The following LARGE2 variants were observed in gnomAD, a reference collection of about 807,000 sequenced individuals.
LARGE2 encodes LARGE xylosyl- and glucuronyltransferase 2.
A neutral mutation model predicts 75.3 loss-of-function variants in LARGE2; 63 were observed. The observed-to-expected ratio is 0.84, with a 90% CI of 0.68 to 1.03. The LOEUF (loss-of-function observed/expected upper bound fraction) is 1.03, where lower values mean the gene tolerates loss of function less well. Ranked by LOEUF, LARGE2 falls within the 50% of genes least tolerant of loss-of-function variation. The pLI, the probability that LARGE2 is intolerant of heterozygous loss-of-function variation, is 0.00. For synonymous variants in LARGE2, 428 were observed against 420.1 expected (o/e 1.02, Z -0.23); for missense variants, 925 against 980.6 (o/e 0.94, Z 0.76).
rs770293806 is a variant in LARGE2, at chr11:45,927,327, G to C, written c.1338G>C (p.Leu446Phe). The C allele has an allele frequency of 2.5e-6, 4 of 1,613,190 alleles. No homozygotes were observed. The highest frequency in any genetic ancestry group is 1.1e-5 in the South Asian group (1 of 91,074). ...AQLSMDRLQM[L>F]EALCRHWPGP... ...CCTCTCCCCATAGGCTGCAGATGTT[G>C]GAAGCCCTGTGCAGGCACTGGCCTG... Residue 446 changes from leucine (L) to phenylalanine (F), a missense_variant, in exon 11 of 14, where the codon TTG (leucine) becomes TTC (phenylalanine). This residue lies in a region of LARGE2 where 469 missense variants were observed against 503.8 expected (regional missense o/e 0.93). Transcript: ENST00000401752.
intron 3 of LARGE2, among the ~76,000 whole-genome samples, chr11:45,923,901 G>A (rs1295094257): frequency 6.7e-6 from 1 of 148,846 alleles, no homozygotes; most frequent in African/African-American, 2.5e-5. Context: ...CAGGAGAATG[G>A]CGTGAACCCG....
In LARGE2 at chr11:45,924,286, C is replaced by T. The variant is rs10838531; in HGVS notation, c.492+9C>T. On this transcript the variant is annotated intron_variant, in intron 4 of 13. Coordinates refer to ENST00000401752, the MANE Select transcript of LARGE2 (RefSeq NM_001300721.2). ...ATGCCGACCAGCTCAAGGCAGGGGC[C>T]CAGCCCTTCCCCCCTCCCCTCAGCT... The T allele has an allele frequency of 0.049, 79,558 of 1,612,162 alleles. 13,760 individuals carry two copies. The East Asian group carries it at 0.61, about 12-fold the overall frequency.
chr11:45,928,086 C>T lies in LARGE2; in HGVS notation c.1754+17C>T, dbSNP rs1405094772. 1 of 1,613,268 alleles carries T rather than the reference C, an allele frequency of 6.2e-7. No individual in the cohort carries two copies. The highest frequency in any genetic ancestry group is 1.1e-5 in the South Asian group (1 of 91,050). ...CACCTTCAGGTAGGAGAGGCTACTTCTCTGCCCACTCCACTCACTTGCCCA... is the reference window on the plus strand; with the variant it reads ...CACCTTCAGGTAGGAGAGGCTACTTTTCTGCCCACTCCACTCACTTGCCCA... On this transcript the variant is annotated intron_variant, in intron 12 of 13. Coordinates refer to ENST00000401752, the MANE Select transcript of LARGE2 (RefSeq NM_001300721.2).
In LARGE2 at chr11:45,927,372, G is replaced by A. The variant is rs967810620; in HGVS notation, c.1383G>A (p.Leu461=). 1.9e-6 allele frequency: 3 copies of A among 1,613,890 alleles called. No individual in the cohort carries two copies. Among genetic ancestry groups the A allele is most frequent in the African/African-American group, 2.7e-5 (2 of 74,946 alleles). ...GGCCTGGCCCCATGAGCCTGGCCTT[G>A]TACCTGACAGACGCAGAAGCTCAGC... ...RHWPGPMSLA[L]YLTDAEAQQF... is the part of the protein sequence containing the mutation. Residue 461 remains leucine (L), a synonymous_variant, in exon 11 of 14, where the codon TTG becomes TTA. Coordinates refer to ENST00000401752, the MANE Select transcript of LARGE2 (RefSeq NM_001300721.2).
Position 45,928,759 on chromosome 11 carries a change from CACCAGG to C in LARGE2, c.2083_2088del (p.Gln695_Asp696del), listed in dbSNP as rs1428839171. On this transcript the variant is annotated inframe_deletion, in exon 14 of 14. Coordinates refer to ENST00000401752, the MANE Select transcript of LARGE2 (RefSeq NM_001300721.2). ...CCTCCAGGCCCTCAAGGACGAATTC[CACCAGG>C]ACTTGTCCCGCCACCATGGGGCTGC... is the stretch of plus-strand genomic sequence containing the variant. 10 of 1,614,096 alleles carry C rather than the reference CACCAGG, an allele frequency of 6.2e-6. No individual in the cohort carries two copies. The highest frequency in any genetic ancestry group is 1.6e-4 in the Middle Eastern group (1 of 6,062).
intron 3 of LARGE2, 149 bp downstream of exon 3, chr11:45,923,704 C>T (rs1251915446): frequency 9.8e-6 from 7 of 715,504 alleles, no homozygotes; most frequent in Non-Finnish European, 1.6e-5. Context: ...TAAGAACATC[C>T]TGCCGGGCGC....
At chr11:45,922,180 G>A (rs1245826539), upstream of LARGE2, among the ~76,000 whole-genome samples, 1 of 152,110 alleles carries the variant, frequency 6.6e-6, no homozygotes, top group Admixed American at 6.5e-5. Flanking sequence ...GACTGAGAGT[G>A]GGGGAGTGAG....
Position 45,922,806 on chromosome 11 carries a change from C to T in LARGE2, c.-62-15C>T. The stretch of plus-strand genomic sequence containing the variant: ...GCCCAGGGCTGAGTCTCCCATCTCG[C>T]CCCTCGGTCCGCAGGGCCTGCGATG... On this transcript the variant is annotated splice_polypyrimidine_tract_variant and intron_variant, in intron 1 of 13. Transcript: ENST00000401752. The T allele has an allele frequency of 8.8e-7, 1 of 1,141,754 alleles. No individual in the cohort carries two copies. The highest frequency in any genetic ancestry group is 3.3e-5 in the East Asian group (1 of 30,494). 70.7% of individuals were successfully genotyped at this position (1,141,754 alleles called of 1,614,324 possible). A position where few individuals can be genotyped will look rare whatever the true frequency, so the allele number is the denominator to read the frequency against.
In LARGE2 at chr11:45,927,472, G is replaced by A. The variant is rs1357638032; in HGVS notation, c.1483G>A (p.Glu495Lys). The change falls in exon 11 of 14, where the codon GAG (glutamate) becomes AAG (lysine). Residue 495 changes from glutamate to lysine, a missense_variant. By Grantham distance (56) the Glu-to-Lys change is moderately conservative (BLOSUM62 1). This residue lies in a region of LARGE2 where 469 missense variants were observed against 503.8 expected (regional missense o/e 0.93). Transcript: ENST00000401752. ...QDVAYHVVYR[E>K]GPLYPVNQLR... The stretch of plus-strand genomic sequence containing the variant: ...CGTGGCCTACCATGTGGTGTACCGT[G>A]AGGGGCCCCTATACCCCGTCAACCA... 6.2e-7 allele frequency: 1 copy of A among 1,614,248 alleles called. No homozygotes were observed. The highest frequency in any genetic ancestry group is 1.7e-5 in the Admixed American group (1 of 60,034).
Position 45,924,271 on chromosome 11 carries a change from G to T in LARGE2, c.486G>T (p.Gln162His). The change falls in exon 4 of 14, where the codon CAG becomes CAT. Residue 162 changes from glutamine to histidine, a missense_variant. This residue lies in a region of LARGE2 where 453 missense variants were observed against 460.2 expected (regional missense o/e 0.98). Coordinates refer to ENST00000401752, the MANE Select transcript of LARGE2 (RefSeq NM_001300721.2). Reference protein sequence around the residue: ...AVRVSFYHADQLKPQVSWIPN... With the variant: ...AVRVSFYHADHLKPQVSWIPN... ...GTGTCAGCTTTTATCATGCCGACCA[G>T]CTCAAGGCAGGGGCCCAGCCCTTCC... is the stretch of plus-strand genomic sequence containing the variant. The T allele has an allele frequency of 6.2e-7, 1 of 1,613,048 alleles. No individual in the cohort carries two copies. Among genetic ancestry groups the T allele is most frequent in the Non-Finnish European group, 8.5e-7 (1 of 1,180,006 alleles).
intron 2 of LARGE2, 48 bp downstream of exon 2, chr11:45,923,215 C>G: frequency 7.6e-7 from 1 of 1,315,078 alleles, no homozygotes; most frequent in Non-Finnish European, 9.6e-7. Context: ...GCGCCGCCCC[C>G]GAGCCCGGCC....
chr11:45,924,299 C>A lies in LARGE2; in HGVS notation c.492+22C>A, dbSNP rs201765300. The A allele has an allele frequency of 3.0e-5, 48 of 1,611,418 alleles. No individual in the cohort carries two copies. In the Admixed American group the frequency reaches 3.0e-4, roughly 10 times the overall value. Reference sequence around the variant, plus strand: ...CAAGGCAGGGGCCCAGCCCTTCCCCCCTCCCCTCAGCTGTGTCCACCGCTC... The same window carrying A: ...CAAGGCAGGGGCCCAGCCCTTCCCCACTCCCCTCAGCTGTGTCCACCGCTC... On this transcript the variant is annotated intron_variant, in intron 4 of 13. Transcript: ENST00000401752.
In LARGE2 at chr11:45,924,261, A is replaced by G. The variant is rs372238008; in HGVS notation, c.476A>G (p.His159Arg). The change falls in exon 4 of 14, where the codon CAT becomes CGT. Residue 159 changes from histidine (H) to arginine (R), a missense_variant. Transcript: ENST00000401752. ...MVPAVRVSFY[H>R]ADQLKPQVSW... is the part of the protein sequence containing the mutation. ...CCTGCTGTCCGTGTCAGCTTTTATC[A>G]TGCCGACCAGCTCAAGGCAGGGGCC... is the stretch of plus-strand genomic sequence containing the variant. 102 of 1,613,358 alleles carry G rather than the reference A, an allele frequency of 6.3e-5. No individual in the cohort carries two copies. In the Middle Eastern group the frequency reaches 6.6e-4, roughly 10 times the overall value.
At position 45,923,526 on chromosome 11, in the gene LARGE2, C is replaced by T. The variant is rs1432158257; in HGVS notation, c.339C>T (p.Ile113=). ...GGCATAACTCCAGCCGAGACGTCAT[C>T]ACCCTGGTGAAGTCCATGCTCTTCT... ...CAGHNSSRDV[I]TLVKSMLFYR... Residue 113 remains isoleucine (I), a synonymous_variant, in exon 3 of 14, where the codon ATC becomes ATT. Coordinates refer to ENST00000401752, the MANE Select transcript of LARGE2 (RefSeq NM_001300721.2). 6.2e-7 allele frequency: 1 copy of T among 1,614,002 alleles called. No individual in the cohort carries two copies. The highest frequency in any genetic ancestry group is 8.5e-7 in the Non-Finnish European group (1 of 1,179,994).
Position 45,926,071 on chromosome 11 carries a change from C to G in LARGE2, c.802C>G (p.Gln268Glu). The G allele has an allele frequency of 6.4e-7, 1 of 1,559,460 alleles. No homozygotes were observed. Among genetic ancestry groups the G allele is most frequent in the Non-Finnish European group, 8.7e-7 (1 of 1,152,016 alleles). The change falls in exon 7 of 14, where the codon CAG (glutamine) becomes GAG (glutamate). Residue 268 changes from glutamine (Q) to glutamate (E), a missense_variant. Gln to Glu is a conservative substitution (Grantham distance 29, BLOSUM62 2). This residue lies in a region of LARGE2 where 453 missense variants were observed against 460.2 expected (regional missense o/e 0.98). Transcript: ENST00000401752. The stretch of plus-strand genomic sequence containing the variant: ...CCTGCTGCGGCTGGACCGGCTCCGG[C>G]AGGCTGGCTGGGAGCAGATGTGGAG... ...VILLRLDRLR[Q>E]AGWEQMWRLT...
intron 3 of LARGE2, among the ~76,000 whole-genome samples, 189 bp from the exon 4 acceptor site, chr11:45,923,965 G>A (rs1383334708): frequency 8.7e-6 from 1 of 115,160 alleles, no homozygotes; most frequent in Non-Finnish European, 1.6e-5. Flanking sequence ...CAGCCTGGGC[G>A]ACAGAGCGAG....
Position 45,928,949 on chromosome 11 carries a change from C to G in LARGE2, c.*104C>G. 1.4e-6 allele frequency: 2 copies of G among 1,453,670 alleles called. No homozygotes were observed. The highest frequency in any genetic ancestry group is 1.3e-5 in the South Asian group (1 of 78,594). The allele number at this position is 1,453,670 out of a possible 1,614,324, so 90.0% of individuals were successfully genotyped here. ...AATTATTTAAGGTCTCTGGGAAGGG[C>G]TGGGGCAGAGCATCTGTGGGGTGGG... On this transcript the variant is annotated 3_prime_UTR_variant, in exon 14 of 14. Transcript: ENST00000401752.
chr11:45,927,581 A>G lies in LARGE2; in HGVS notation c.1592A>G (p.Tyr531Cys). 6.2e-7 allele frequency: 1 copy of G among 1,613,394 alleles called. No individual in the cohort carries two copies. The highest frequency in any genetic ancestry group is 1.1e-5 in the South Asian group (1 of 91,076). Residue 531 changes from tyrosine (Y) to cysteine (C), a missense_variant, in exon 11 of 14, where the codon TAC becomes TGC. Around this residue, in one of 3 missense-constraint regions of LARGE2, gnomAD observed 469 missense variants for 503.8 expected, o/e 0.93. Coordinates refer to ENST00000401752, the MANE Select transcript of LARGE2 (RefSeq NM_001300721.2). ...GACTTCCTGCCTGCCTATTCTCTCT[A>G]CGACTACCTCAGGTGGGCCTGCAGG... ...DIDFLPAYSL[Y>C]DYLRASIEQL...
At chr11:45,924,474 G>A (rs1483396812) in intron 4 of LARGE2, 32 bp from the exon 5 acceptor site, 1 of 1,602,618 alleles carries the variant, frequency 6.2e-7, no homozygotes. Context: ...GCCCCTCTCT[G>A]CCATCTCATC....
Sources: gnomAD v4.1 joint callset for allele counts (sites outside exome capture counted in the v4.1 genomes callset) on GRCh38, gnomAD v4.1.1 for gene constraint, gnomAD v4.1.1 regional missense constraint, MANE v1.5 for transcripts, NCBI Gene and HGNC (gene_info 2026-07-23, HGNC 2026-07-21) for gene names.